Variants in RSPO2 observed in about 807,000 individuals in gnomAD.
RSPO2 encodes the protein R-spondin 2, also known as R-spondin-2.
Under a neutral mutation model 30.9 loss-of-function variants are expected in RSPO2, and 14 were observed. The ratio of observed to expected loss-of-function variants is 0.45; its 90% CI spans 0.30 to 0.71. The LOEUF (loss-of-function observed/expected upper bound fraction) is 0.71. Among genes scored for constraint, RSPO2 ranks in the 30% least tolerant of loss-of-function variants. RSPO2 has a pLI of 0.08. For synonymous variants in RSPO2, 107 were observed against 96.4 expected (o/e 1.11, Z -0.64); for missense variants, 264 against 301.9 (o/e 0.87, Z 0.93).
intron 3 of RSPO2, among the ~76,000 whole-genome samples, chr8:107,972,760 C>T (rs1188539614): frequency 6.6e-6 from 1 of 152,062 alleles, no homozygotes; most frequent in Admixed American, 6.6e-5. Flanking sequence ...TTTTCATAGA[C>T]CCAAGTTACT....
intron 3 of RSPO2, among the ~76,000 whole-genome samples, chr8:107,980,824 T>G (rs1814403847): frequency 6.6e-6 from 1 of 152,170 alleles, no homozygotes; most frequent in South Asian, 2.1e-4. Context: ...GTCCCTTCTG[T>G]GATCCCTTCT....
intron 2 of RSPO2, among the ~76,000 whole-genome samples, chr8:108,025,223 T>G (rs140809743): frequency 1.3e-5 from 2 of 152,332 alleles, no homozygotes; most frequent in African/African-American, 4.8e-5. Flanking sequence ...CAACCAGATT[T>G]TGTTTTCTAA....
intron 2 of RSPO2, among the ~76,000 whole-genome samples, chr8:107,991,641 C>G (rs906275215): frequency 6.6e-6 from 1 of 152,076 alleles, no homozygotes; most frequent in Non-Finnish European, 1.5e-5. Flanking sequence ...TATTTGCAAA[C>G]TATGCATCTG....
At chr8:108,031,755 C>A (rs200702837) in intron 2 of RSPO2, among the ~76,000 whole-genome samples, 1 of 151,928 alleles carries the variant, frequency 6.6e-6, no homozygotes, top group Non-Finnish European at 1.5e-5. Flanking sequence ...GAAAAAATGA[C>A]CTTGAACAGG....
chr8:108,031,256 C>T (rs1229057031), intron 2 of RSPO2, among the ~76,000 whole-genome samples: 1 of 152,120 alleles, frequency 6.6e-6, no homozygotes, highest in African/African-American at 2.4e-5. Context: ...TAAAAGATTG[C>T]AAAGATTTTG....
chr8:107,953,849 A>C lies in RSPO2; in HGVS notation c.616+4231T>G, dbSNP rs185440408. Among the ~76,000 whole-genome samples, 14 of 152,284 alleles carry C rather than the reference A, an allele frequency of 9.2e-5. No homozygotes were observed. The East Asian group carries it at 2.7e-3, about 29-fold the overall frequency. ...TATCCCTCATTTAGATCTCTGATCA[A>C]ATGTAACTTCCTCAATTTTCCTGAT... On this transcript the variant is annotated intron_variant, in intron 5 of 5. Transcript: ENST00000276659.
intron 3 of RSPO2, among the ~76,000 whole-genome samples, chr8:107,986,803 T>C (rs1164028676): frequency 6.6e-6 from 1 of 152,108 alleles, no homozygotes; most frequent in Admixed American, 6.5e-5. Flanking sequence ...CACATAAAAC[T>C]GTGGACTCAA....
chr8:107,960,035 G>A (rs183368093), intron 4 of RSPO2, among the ~76,000 whole-genome samples: 78 of 152,222 alleles, frequency 5.1e-4, no homozygotes, highest in African/African-American at 1.9e-3. Flanking sequence ...TCATCATAAT[G>A]TAGCCACTGA....
intron 2 of RSPO2, among the ~76,000 whole-genome samples, chr8:108,057,578 A>C (rs1210917409): frequency 6.6e-6 from 1 of 152,242 alleles, no homozygotes; most frequent in South Asian, 2.1e-4. Flanking sequence ...CCAAAATAAC[A>C]TTCAAAATTC....
chr8:108,073,404 G>C (rs1024295377), intron 2 of RSPO2, among the ~76,000 whole-genome samples: 1 of 152,156 alleles, frequency 6.6e-6, no homozygotes, highest in Admixed American at 6.5e-5. Context: ...CAGCAACAGG[G>C]GAGGGACTAA....
intron 3 of RSPO2, among the ~76,000 whole-genome samples, chr8:107,968,716 A>C (rs2130464204): frequency 6.6e-6 from 1 of 152,238 alleles, no homozygotes; most frequent in Non-Finnish European, 1.5e-5. Flanking sequence ...ACAACTATTA[A>C]ATATAAATAA....
intron 5 of RSPO2, among the ~76,000 whole-genome samples, chr8:107,938,163 T>A (rs552987728): frequency 2.0e-5 from 3 of 152,284 alleles, no homozygotes; most frequent in African/African-American, 7.2e-5. Flanking sequence ...TTTTGCTACA[T>A]TTCTTGGTAT....
chr8:108,052,614 GA>G (rs1327238716), intron 2 of RSPO2, among the ~76,000 whole-genome samples: 1 of 152,144 alleles, frequency 6.6e-6, no homozygotes, highest in Admixed American at 6.5e-5. Flanking sequence ...AAGCAACTGG[GA>G]AATTCAACTA....
chr8:107,973,532 T>TCACA (rs4035018), intron 3 of RSPO2, among the ~76,000 whole-genome samples: 10 of 149,538 alleles, frequency 6.7e-5, no homozygotes, highest in Non-Finnish European at 1.2e-4. Flanking sequence ...AGACACACAC[T>TCACA]CACACACACA....
chr8:107,968,253 A>ATGT (rs1813878964), intron 3 of RSPO2, among the ~76,000 whole-genome samples: 1 of 152,168 alleles, frequency 6.6e-6, no homozygotes, highest in African/African-American at 2.4e-5. Flanking sequence ...ACACAATAGA[A>ATGT]TGTTATTCAG....
At chr8:107,935,231 T>C (rs2130357504) in intron 5 of RSPO2, among the ~76,000 whole-genome samples, 1 of 152,302 alleles carries the variant, frequency 6.6e-6, no homozygotes, top group Non-Finnish European at 1.5e-5. Flanking sequence ...GTGTCTGTCT[T>C]ATACAGTTGC....
chr8:107,951,126 G>A (rs1180030213), intron 5 of RSPO2, among the ~76,000 whole-genome samples: 1 of 151,262 alleles, frequency 6.6e-6, no homozygotes, highest in African/African-American at 2.4e-5. Context: ...GAGTGCAGTG[G>A]CACGATTTCA....
intron 2 of RSPO2, among the ~76,000 whole-genome samples, chr8:108,020,193 C>G (rs1811014347): frequency 6.6e-6 from 1 of 152,082 alleles, no homozygotes; most frequent in Admixed American, 6.6e-5. Context: ...GAGTCTCACC[C>G]CCTCACCACA....
At chr8:108,057,098 A>G (rs34011117) in intron 2 of RSPO2, among the ~76,000 whole-genome samples, 1 of 139,510 alleles carries the variant, frequency 7.2e-6, no homozygotes, top group Non-Finnish European at 1.6e-5. Flanking sequence ...AAAAAGACGT[A>G]TAAAATATAA....
Sources: gnomAD v4.1 joint callset for allele counts (sites outside exome capture counted in the v4.1 genomes callset) on GRCh38, gnomAD v4.1.1 for gene constraint, MANE v1.5 for transcripts, NCBI Gene and HGNC (gene_info 2026-07-23, HGNC 2026-07-21) for gene names.